The following ECH1 variants were observed in gnomAD, a reference collection of about 807,000 sequenced individuals.
ECH1 encodes enoyl-CoA hydratase 1.
A neutral mutation model predicts 37.0 loss-of-function variants in ECH1; 30 were observed. That is an observed-to-expected ratio of 0.81 (90% CI 0.61 to 1.10). The LOEUF is 1.10. ECH1 is among the 50% of genes least tolerant of loss of function. The pLI, the probability that ECH1 is intolerant of heterozygous loss-of-function variation, is 0.00. For synonymous variants in ECH1, 178 were observed against 176.0 expected (o/e 1.01, Z -0.09); for missense variants, 456 against 441.6 (o/e 1.03, Z -0.29).
At chr19:38,826,945 G>A (rs1971747857) in intron 3 of ECH1, among the ~76,000 whole-genome samples, 1 of 151,794 alleles carries the variant, frequency 6.6e-6, no homozygotes, top group African/African-American at 2.4e-5. Flanking sequence ...TAGGTCAAAG[G>A]CCCAGCTTTG....
chr19:38,817,653 C>A, intron 3 of ECH1, 78 bp from the exon 4 acceptor site: 1 of 1,489,398 alleles, frequency 6.7e-7, no homozygotes, highest in East Asian at 2.4e-5. Flanking sequence ...AGAACCCAGG[C>A]ACAGCAGGTT....
intron 3 of ECH1, chr19:38,830,791 G>C: frequency 7.3e-6 from 3 of 411,620 alleles, no homozygotes; most frequent in South Asian, 7.0e-5. Context: ...TGGCCAATAT[G>C]GTGAAACCCC....
At chr19:38,816,557 G>A (rs112757999) in intron 6 of ECH1, 34 bp from the exon 7 acceptor site, 2 of 1,611,332 alleles carry the variant, frequency 1.2e-6, no homozygotes, top group Non-Finnish European at 8.5e-7. Flanking sequence ...TTTGGTTTCT[G>A]CCCAATACTG....
At chr19:38,830,650 C>CAAAAAA (rs55649550) in intron 3 of ECH1, among the ~76,000 whole-genome samples, 3 of 75,388 alleles carry the variant, frequency 4.0e-5, no homozygotes, top group African/African-American at 9.1e-5. Flanking sequence ...ATATTGTCTC[C>CAAAAAA]AAAAAAAAAA....
At chr19:38,827,363 C>T (rs1306508411) in intron 3 of ECH1, among the ~76,000 whole-genome samples, 1 of 152,086 alleles carries the variant, frequency 6.6e-6, no homozygotes, top group Non-Finnish European at 1.5e-5. Flanking sequence ...CTCCCACGGA[C>T]AACTACATAC....
At position 38,821,806 on chromosome 19, in the gene ECH1, G is replaced by C. The variant is rs750803852; in HGVS notation, c.350-4231C>G. Among the ~76,000 whole-genome samples the C allele has an allele frequency of 7.9e-5, 12 of 152,196 alleles. No homozygotes were observed. In the South Asian group the frequency reaches 8.3e-4, roughly 10 times the overall value. On this transcript the variant is annotated intron_variant, in intron 3 of 9. Transcript: ENST00000221418. ...GCCGCCGTGGGCTCCTGCACAGCCC[G>C]AGCCTCCCCGAGGAGCGCCACCCCC...
intron 3 of ECH1, among the ~76,000 whole-genome samples, chr19:38,827,319 AT>A (rs150334280): frequency 0.072 from 10,999 of 152,134 alleles, 1,154 homozygotes; most frequent in African/African-American, 0.24. Flanking sequence ...TGTATGAAAT[AT>A]TTTGCTTCTG....
chr19:38,818,730 C>T (rs1341198495), intron 3 of ECH1, among the ~76,000 whole-genome samples: 4 of 152,212 alleles, frequency 2.6e-5, no homozygotes, highest in Admixed American at 1.3e-4. Context: ...TTGTGATCCA[C>T]CCACCTCGGC....
chr19:38,822,738 C>A (rs1045277160), intron 3 of ECH1, among the ~76,000 whole-genome samples: 4 of 152,210 alleles, frequency 2.6e-5, no homozygotes, highest in African/African-American at 7.2e-5. Flanking sequence ...CCAATCAGCT[C>A]TCTGTAAAAC....
chr19:38,831,372 T>C lies in ECH1; in HGVS notation c.197A>G (p.His66Arg), dbSNP rs1971820617. 1.2e-6 allele frequency: 2 copies of C among 1,613,812 alleles called. No homozygotes were observed. Among genetic ancestry groups the C allele is most frequent in the East Asian group, 4.5e-5 (2 of 44,886 alleles). Residue 66 changes from histidine (H) to arginine (R), a missense_variant, in exon 2 of 10, where the codon CAT becomes CGT. By Grantham distance (29) the His-to-Arg change is conservative. Transcript: ENST00000221418. ...ESLRVTSAQK[H>R]VLHVQLNRPN... ...CCGGTTGAGCTGGACATGCAGAACA[T>C]GTTTCTGCGCAGACGTCACACGAAG...
chr19:38,821,468 G>A (rs1181349753), intron 3 of ECH1, among the ~76,000 whole-genome samples: 2 of 152,184 alleles, frequency 1.3e-5, no homozygotes, highest in East Asian at 3.9e-4. Context: ...ATCGGAGCCG[G>A]CTCCCTCTGC....
At chr19:38,821,764 T>C (rs371236856) in intron 3 of ECH1, among the ~76,000 whole-genome samples, 1 of 152,132 alleles carries the variant, frequency 6.6e-6, no homozygotes, top group Non-Finnish European at 1.5e-5. Context: ...CAGCCTGCCA[T>C]GCCCGAGCCT....
chr19:38,825,052 C>T (rs1046927363), intron 3 of ECH1, among the ~76,000 whole-genome samples: 6 of 152,200 alleles, frequency 3.9e-5, no homozygotes, highest in East Asian at 1.9e-4. Context: ...GGCAAACTTT[C>T]GACCTCGCTT....
chr19:38,819,613 G>A (rs1268982832), intron 3 of ECH1, among the ~76,000 whole-genome samples: 2 of 152,054 alleles, frequency 1.3e-5, no homozygotes, highest in African/African-American at 4.8e-5. Flanking sequence ...ACAGACAACA[G>A]TCCCTGTCCT....
At chr19:38,825,753 T>C (rs1568360468) in intron 3 of ECH1, among the ~76,000 whole-genome samples, 1 of 152,118 alleles carries the variant, frequency 6.6e-6, no homozygotes, top group African/African-American at 2.4e-5. Flanking sequence ...TAGGACACTT[T>C]AAAAAAGATT....
At chr19:38,822,765 T>C (rs939497609) in intron 3 of ECH1, among the ~76,000 whole-genome samples, 2 of 152,172 alleles carry the variant, frequency 1.3e-5, no homozygotes, top group African/African-American at 4.8e-5. Flanking sequence ...ATCAGCTCTC[T>C]GTAAAACGGA....
intron 3 of ECH1, among the ~76,000 whole-genome samples, chr19:38,830,445 CAG>C (rs1457778660): frequency 1.3e-5 from 2 of 152,080 alleles, no homozygotes; most frequent in Non-Finnish European, 2.9e-5. Context: ...CGTGTTCTGT[CAG>C]ACTAATACTT....
At chr19:38,821,692 T>A (rs1264294517) in intron 3 of ECH1, among the ~76,000 whole-genome samples, 1 of 152,164 alleles carries the variant, frequency 6.6e-6, no homozygotes, top group Non-Finnish European at 1.5e-5. Context: ...GGCCCGCTGG[T>A]GCTGCACTCG....
At chr19:38,818,514 G>GTC in intron 3 of ECH1, 7 of 508,786 alleles carry the variant, frequency 1.4e-5, no homozygotes, top group Non-Finnish European at 1.8e-5. Context: ...TTCAGACAGA[G>GTC]TCTCGCTCTT....
Sources: gnomAD v4.1 joint callset for allele counts (sites outside exome capture counted in the v4.1 genomes callset) on GRCh38, gnomAD v4.1.1 for gene constraint, MANE v1.5 for transcripts, NCBI Gene and HGNC (gene_info 2026-07-23, HGNC 2026-07-21) for gene names.